Variants in PLD1 observed in about 807,000 individuals in gnomAD.
The protein encoded by PLD1 is choline phosphatase 1.
PLD1 carries 112 observed loss-of-function variants against 137.1 expected under a neutral mutation model. The ratio of observed to expected loss-of-function variants is 0.82; its 90% CI spans 0.70 to 0.96. The LOEUF (loss-of-function observed/expected upper bound fraction) is 0.96, where lower values mean the gene tolerates loss of function less well. Among genes scored for constraint, PLD1 ranks in the 40% least tolerant of loss-of-function variants. The pLI is 0.00. For synonymous variants in PLD1, 431 were observed against 454.7 expected (o/e 0.95, Z 0.66); for missense variants, 1,321 against 1,342.0 (o/e 0.98, Z 0.24).
At chr3:171,674,912 G>A (rs1313623559) in intron 18 of PLD1, among the ~76,000 whole-genome samples, 1 of 144,550 alleles carries the variant, frequency 6.9e-6, no homozygotes, top group East Asian at 2.1e-4. Context: ...CTCGGAGGCA[G>A]AGGTTGCAGT....
At chr3:171,647,560 C>T (rs922324481) in intron 21 of PLD1, among the ~76,000 whole-genome samples, 3 of 152,004 alleles carry the variant, frequency 2.0e-5, no homozygotes, top group African/African-American at 7.3e-5. Flanking sequence ...AGCAATTCTC[C>T]TGCCTCAGCC....
At chr3:171,604,492 A>G (rs1408830923) in intron 26 of PLD1, among the ~76,000 whole-genome samples, 1 of 152,086 alleles carries the variant, frequency 6.6e-6, no homozygotes, top group Non-Finnish European at 1.5e-5. Context: ...GTCATGAAGA[A>G]GAACACAGAC....
intron 23 of PLD1, among the ~76,000 whole-genome samples, chr3:171,626,503 G>A (rs1024207707): frequency 2.2e-4 from 33 of 152,140 alleles, no homozygotes; most frequent in Non-Finnish European, 3.2e-4. Context: ...TACAGAGAAC[G>A]CCACAAAGAT....
At position 171,737,558 on chromosome 3, in the gene PLD1, C is replaced by T; in HGVS notation, c.262G>A (p.Val88Met). The T allele has an allele frequency of 6.2e-7, 1 of 1,611,916 alleles. No individual in the cohort carries two copies. Among genetic ancestry groups the T allele is most frequent in the Non-Finnish European group, 8.5e-7 (1 of 1,179,490 alleles). ...CTTGTTGTAGATGTGAAGCGTTCCA[C>T]TTCCAGAACTTGTGCTTTTATTGGA... Reference protein sequence around the residue: ...GCPIKAQVLEVERFTSTTRVP... With the variant: ...GCPIKAQVLEMERFTSTTRVP... Residue 88 changes from valine (V) to methionine (M), a missense_variant, in exon 3 of 27, where the codon GTG (valine) becomes ATG (methionine). By Grantham distance (21) the Val-to-Met change is conservative. Transcript: ENST00000351298.
chr3:171,670,126 T>C lies in PLD1; in HGVS notation c.2229+4374A>G, dbSNP rs376526996. 3.3e-5 allele frequency among the ~76,000 whole-genome samples: 5 copies of C among 152,290 alleles called. No homozygotes were observed. The East Asian group carries it at 5.8e-4, about 18-fold the overall frequency. ...GAAACTAGAAGCTGGGAAGGGTTTG[T>C]GTAGGCGGGTACAGGGAATAGGGTG... On this transcript the variant is annotated intron_variant, in intron 19 of 26. Transcript: ENST00000351298.
At chr3:171,762,928 C>A (rs1380899233) in intron 1 of PLD1, among the ~76,000 whole-genome samples, 1 of 152,076 alleles carries the variant, frequency 6.6e-6, no homozygotes, top group Non-Finnish European at 1.5e-5. Context: ...AAACTAGTTG[C>A]CTTAAGTAAG....
At chr3:171,797,601 T>C (rs1206271449) in intron 1 of PLD1, among the ~76,000 whole-genome samples, 1 of 151,850 alleles carries the variant, frequency 6.6e-6, no homozygotes. Context: ...CCCAGGATAA[T>C]TTCAGAGGCA....
In PLD1 at chr3:171,773,031, C is replaced by T. The variant is rs1722447824; in HGVS notation, c.-31-34949G>A. Among the ~76,000 whole-genome samples, 3 of 152,232 alleles carry T rather than the reference C, an allele frequency of 2.0e-5. No homozygotes were observed. In the South Asian group the frequency reaches 6.2e-4, roughly 31 times the overall value. The stretch of plus-strand genomic sequence containing the variant: ...GGAAGAAATATGAATAAATCCCCAA[C>T]TCAGCTAGATAAACTACTGGTGGGG... On this transcript the variant is annotated intron_variant, in intron 1 of 26. Transcript: ENST00000351298.
chr3:171,698,811 C>CAAAAAAA (rs11359377), intron 12 of PLD1, among the ~76,000 whole-genome samples: 24 of 103,892 alleles, frequency 2.3e-4, no homozygotes, highest in East Asian at 5.9e-4. Flanking sequence ...TACAAAAATA[C>CAAAAAAA]AAAAAAAAAA....
At chr3:171,619,462 C>T (rs1733405435) in intron 24 of PLD1, among the ~76,000 whole-genome samples, 1 of 152,318 alleles carries the variant, frequency 6.6e-6, no homozygotes, top group Middle Eastern at 3.4e-3. Flanking sequence ...CAAGAAATGA[C>T]TGCAGACCTT....
chr3:171,763,830 C>CTTTTTTTTTTTTTTTTT (rs71178234), intron 1 of PLD1, among the ~76,000 whole-genome samples: 1 of 86,740 alleles, frequency 1.2e-5, no homozygotes, highest in East Asian at 3.4e-4. Flanking sequence ...TTCTTTCTTT[C>CTTTTTTTTTTTTTTTTT]TTTTTTTTTT....
At chr3:171,688,075 A>C (rs1714757740) in intron 14 of PLD1, among the ~76,000 whole-genome samples, 1 of 152,230 alleles carries the variant, frequency 6.6e-6, no homozygotes, top group Non-Finnish European at 1.5e-5. Flanking sequence ...TAGTTGAAAT[A>C]GCAAGCAGAT....
intron 8 of PLD1, among the ~76,000 whole-genome samples, chr3:171,718,446 A>G (rs537274354): frequency 2.6e-5 from 4 of 152,360 alleles, no homozygotes; most frequent in South Asian, 4.1e-4. Flanking sequence ...TTGAGGAGGA[A>G]GAACTACTAC....
At chr3:171,668,802 CT>C (rs1337331777) in intron 19 of PLD1, among the ~76,000 whole-genome samples, 1 of 152,216 alleles carries the variant, frequency 6.6e-6, no homozygotes, top group African/African-American at 2.4e-5. Flanking sequence ...TCAGCATTTT[CT>C]TTCAGCTTAA....
intron 1 of PLD1, among the ~76,000 whole-genome samples, chr3:171,784,991 T>C (rs1415680816): frequency 7.2e-5 from 11 of 152,188 alleles, no homozygotes; most frequent in Admixed American, 7.2e-4. Context: ...AAAAGTTAAA[T>C]ACAGTGTTAG....
intron 1 of PLD1, among the ~76,000 whole-genome samples, chr3:171,770,767 T>G (rs983434004): frequency 1.3e-5 from 2 of 151,414 alleles, no homozygotes; most frequent in African/African-American, 2.4e-5. Flanking sequence ...CATGCACCTG[T>G]AATCCCAGCT....
At chr3:171,796,218 G>A (rs1447457145) in intron 1 of PLD1, among the ~76,000 whole-genome samples, 1 of 152,206 alleles carries the variant, frequency 6.6e-6, no homozygotes. Context: ...GATCCAGTGG[G>A]AAAGACAGAG....
intron 18 of PLD1, 42 bp from the exon 19 acceptor site, chr3:171,674,655 A>G (rs764498138): frequency 1.8e-6 from 2 of 1,112,692 alleles, no homozygotes; most frequent in Non-Finnish European, 1.4e-6. Context: ...ATGAGAAAAA[A>G]GATTCATTCT....
At chr3:171,711,382 G>A (rs1193233838) in intron 9 of PLD1, among the ~76,000 whole-genome samples, 1 of 149,350 alleles carries the variant, frequency 6.7e-6, no homozygotes, top group Non-Finnish European at 1.5e-5. Flanking sequence ...TATTGGCCAG[G>A]CTGGTCTCAA....
Sources: allele counts gnomAD v4.1 joint callset (sites outside exome capture counted in the v4.1 genomes callset), GRCh38; gene constraint gnomAD v4.1.1; transcripts MANE v1.5; gene names NCBI Gene and HGNC (gene_info 2026-07-23, HGNC 2026-07-21).